The following UFSP2 variants were observed in gnomAD, a reference collection of about 807,000 sequenced individuals.
UFSP2 encodes the protein UFM1 specific peptidase 2, also known as ufm1-specific protease 2.
Under a neutral mutation model 60.2 loss-of-function variants are expected in UFSP2, and 43 were observed. That is an observed-to-expected ratio of 0.71 (90% CI 0.56 to 0.92). UFSP2 has a LOEUF of 0.92. Ranked by LOEUF, UFSP2 falls within the 40% of genes least tolerant of loss-of-function variation. The pLI, the probability that UFSP2 is intolerant of heterozygous loss-of-function variation, is 0.00. For missense variants in UFSP2, 520 were observed against 575.0 expected (o/e 0.90, Z 0.98); for synonymous variants, 183 against 195.1 (o/e 0.94, Z 0.52).
chr4:185,413,131 C>A (rs1335398217), intron 7 of UFSP2, among the ~76,000 whole-genome samples: 5 of 152,108 alleles, frequency 3.3e-5, no homozygotes, highest in Non-Finnish European at 7.4e-5. Context: ...ATGGTGAAAT[C>A]CTGTCTCTAC....
chr4:185,406,736 C>T (rs949580518), intron 9 of UFSP2, among the ~76,000 whole-genome samples: 1 of 151,890 alleles, frequency 6.6e-6, no homozygotes, highest in African/African-American at 2.4e-5. Flanking sequence ...CCACCATGCC[C>T]GGCTCATTTT....
intron 6 of UFSP2, among the ~76,000 whole-genome samples, chr4:185,414,949 T>A (rs1692173225): frequency 6.6e-6 from 1 of 152,174 alleles, no homozygotes; most frequent in Non-Finnish European, 1.5e-5. Context: ...AAATGTTACA[T>A]ATAGGTTCAA....
chr4:185,407,056 G>GTTT lies in UFSP2; in HGVS notation c.1121+877_1121+879dup, dbSNP rs200789059. Among the ~76,000 whole-genome samples, 130 of 51,996 alleles carry GTTT rather than the reference G, an allele frequency of 2.5e-3. 2 individuals are homozygous for GTTT. The highest frequency in any genetic ancestry group is 7.0e-3 in the African/African-American group (125 of 17,918). The allele number at this position is 51,996 out of a possible 152,430, so 34.1% of individuals were successfully genotyped here. A position where few individuals can be genotyped will look rare whatever the true frequency, so the allele number is the denominator to read the frequency against. The stretch of plus-strand genomic sequence containing the variant: ...TTTTTTTTAGAAAATGTATTTTTCT[G>GTTT]TTTTTTTTTTTTGAAAGGGAGTCTC... On this transcript the variant is annotated intron_variant, in intron 9 of 11. Coordinates refer to ENST00000264689, the MANE Select transcript of UFSP2 (RefSeq NM_018359.5).
At chr4:185,403,742 A>G in intron 10 of UFSP2, 124 bp from the exon 11 acceptor site, 3 of 1,207,506 alleles carry the variant, frequency 2.5e-6, no homozygotes, top group Non-Finnish European at 3.4e-6. Context: ...GCACTTTGGG[A>G]GGTGGGTGGA....
At chr4:185,408,221 G>A (rs2095523716) in intron 8 of UFSP2, 50 bp downstream of exon 8, 5 of 1,587,912 alleles carry the variant, frequency 3.1e-6, no homozygotes, top group Non-Finnish European at 4.3e-6. Context: ...GTATATTAAG[G>A]GCTAATGAAA....
chr4:185,406,008 G>T, intron 9 of UFSP2, 152 bp from the exon 10 acceptor site: 1 of 1,475,178 alleles, frequency 6.8e-7, no homozygotes. Context: ...GGAACTGAGA[G>T]CAATTAAACT....
intron 10 of UFSP2, 77 bp downstream of exon 10, chr4:185,405,703 C>T: frequency 6.8e-7 from 1 of 1,470,626 alleles, no homozygotes; most frequent in Non-Finnish European, 9.3e-7. Flanking sequence ...TGATTTTATG[C>T]AACATTAAAT....
At position 185,418,429 on chromosome 4, in the gene UFSP2, TA is replaced by T. The variant is rs771260294; in HGVS notation, c.333+11del. 6.3e-7 allele frequency: 1 copy of T among 1,584,654 alleles called. No individual in the cohort carries two copies. Among genetic ancestry groups the T allele is most frequent in the Non-Finnish European group, 8.7e-7 (1 of 1,155,358 alleles). ...CATTTTTATCAGTACAGAAGACAGA[TA>T]GTTTGCTTACCATGTCTGATAACTT... On this transcript the variant is annotated intron_variant, in intron 4 of 11. Transcript: ENST00000264689.
chr4:185,422,612 C>T, intron 1 of UFSP2, 49 bp from the exon 2 acceptor site: 1 of 1,237,666 alleles, frequency 8.1e-7, no homozygotes, highest in Non-Finnish European at 1.1e-6. Flanking sequence ...ACAAAACAAA[C>T]TCATATTCAT....
At chr4:185,406,898 GATTTCC>G (rs1383182651) in intron 9 of UFSP2, among the ~76,000 whole-genome samples, 1 of 151,274 alleles carries the variant, frequency 6.6e-6, no homozygotes, top group Admixed American at 6.6e-5. Flanking sequence ...TTTTACCACT[GATTTCC>G]ATAACCACTG....
chr4:185,415,117 A>G, intron 6 of UFSP2, 38 bp downstream of exon 6: 3 of 1,469,952 alleles, frequency 2.0e-6, no homozygotes, highest in Non-Finnish European at 2.8e-6. Context: ...AATGATAGTC[A>G]TTATTGTTTT....
At chr4:185,405,002 CTTTTT>C (rs70962563) in intron 10 of UFSP2, among the ~76,000 whole-genome samples, 1 of 138,196 alleles carries the variant, frequency 7.2e-6, no homozygotes, top group African/African-American at 2.7e-5. Context: ...ACCTCCATTT[CTTTTT>C]TTTTTTTTTT....
intron 2 of UFSP2, 65 bp from the exon 3 acceptor site, chr4:185,418,835 C>T: frequency 7.7e-7 from 1 of 1,291,680 alleles, no homozygotes; most frequent in Non-Finnish European, 1.0e-6. Context: ...TGGTTCCAAA[C>T]ATACACAAAA....
At chr4:185,404,430 A>G (rs1432574117) in intron 10 of UFSP2, among the ~76,000 whole-genome samples, 1 of 150,080 alleles carries the variant, frequency 6.7e-6, no homozygotes, top group Non-Finnish European at 1.5e-5. Flanking sequence ...TGAGTAGCTG[A>G]GACTACAGGC....
rs188657689 is a variant in UFSP2, at chr4:185,412,985, G to C, written c.831+741C>G. Among the ~76,000 whole-genome samples, 332 of 152,238 alleles carry C rather than the reference G, an allele frequency of 2.2e-3. 2 individuals carry two copies. The highest frequency in any genetic ancestry group is 7.6e-3 in the African/African-American group (316 of 41,548). On this transcript the variant is annotated intron_variant, in intron 7 of 11. Coordinates refer to ENST00000264689, the MANE Select transcript of UFSP2 (RefSeq NM_018359.5). ...CTGGCAACCGGGTATATGTTACATG[G>C]AAAATAAGTCTAGTTCCTCATTAGA...
rs747683633 is a variant in UFSP2 at position 185,415,116 on chromosome 4, C to A, written c.684+39G>T. On this transcript the variant is annotated intron_variant, in intron 6 of 11. Coordinates refer to ENST00000264689, the MANE Select transcript of UFSP2 (RefSeq NM_018359.5). ...AATTAAATACAAAATGAATGATAGT[C>A]ATTATTGTTTTTTCTAAGAATAGAT... 3 of 1,461,304 alleles carry A rather than the reference C, an allele frequency of 2.1e-6. No homozygotes were observed. In the South Asian group the frequency reaches 4.0e-5, roughly 19 times the overall value. 90.5% of individuals were successfully genotyped at this position (1,461,304 alleles called of 1,614,324 possible).
At chr4:185,400,613 T>G (rs913044033) in intron 11 of UFSP2, 135 bp from the exon 12 acceptor site, 2 of 553,788 alleles carry the variant, frequency 3.6e-6, no homozygotes, top group Non-Finnish European at 6.3e-6. Context: ...GGATTTGAAT[T>G]CCTACTAGCA....
At position 185,404,364 on chromosome 4, in the gene UFSP2, C is replaced by T. The variant is rs368376143; in HGVS notation, c.1199-746G>A. On this transcript the variant is annotated intron_variant, in intron 10 of 11. Coordinates refer to ENST00000264689, the MANE Select transcript of UFSP2 (RefSeq NM_018359.5). The stretch of plus-strand genomic sequence containing the variant: ...AGGCTGGAGTGCGATAGCGTGACCT[C>T]GGCTCACTGCAACCTCTGCCTTCCA... 6.8e-5 allele frequency among the ~76,000 whole-genome samples: 10 copies of T among 146,328 alleles called. No homozygotes were observed. In the South Asian group the frequency reaches 8.7e-4, roughly 13 times the overall value.
In UFSP2 at chr4:185,413,812, AAGC is replaced by A. The variant is rs1342810081; in HGVS notation, c.742_744del (p.Ala248del). The A allele has an allele frequency of 6.2e-7, 1 of 1,613,314 alleles. No homozygotes were observed. Among genetic ancestry groups the A allele is most frequent in the Non-Finnish European group, 8.5e-7 (1 of 1,179,564 alleles). On this transcript the variant is annotated inframe_deletion, in exon 7 of 12. Coordinates refer to ENST00000264689, the MANE Select transcript of UFSP2 (RefSeq NM_018359.5). ...TTGTATGGCTCATCTGGAAAGTGAT[AAGC>A]ATTAGACCTTTTGAAATAGGGTCTG...
Sources: gnomAD v4.1 joint callset for allele counts (sites outside exome capture counted in the v4.1 genomes callset) on GRCh38, gnomAD v4.1.1 for gene constraint, MANE v1.5 for transcripts, NCBI Gene and HGNC (gene_info 2026-07-23, HGNC 2026-07-21) for gene names.